ITPKA: variants seen among roughly 807,000 people sequenced by gnomAD.
ITPKA encodes IP3 3-kinase A.
ITPKA carries 16 observed loss-of-function variants against 40.7 expected under a neutral mutation model. That is an observed-to-expected ratio of 0.39 (90% CI 0.27 to 0.60). ITPKA has a LOEUF of 0.60. ITPKA is among the 20% of genes least tolerant of loss of function. ITPKA has a pLI of 0.50. For missense variants in ITPKA, 540 were observed against 649.3 expected, an observed-to-expected ratio of 0.83 and a Z score of 1.83; for synonymous variants, 313 against 289.9, an observed-to-expected ratio of 1.08 and a Z score of -0.81.
At chr15:41,497,548 G>A (rs1196241494) in intron 1 of ITPKA, among the ~76,000 whole-genome samples, 1 of 152,172 alleles carries the variant, frequency 6.6e-6, no homozygotes, top group South Asian at 2.1e-4. Context: ...TTTTAAAAGC[G>A]TGATGTTCTC....
In ITPKA at chr15:41,502,155, GCAT is replaced by G; in HGVS notation, c.965_967del (p.Ile322del). On this transcript the variant is annotated inframe_deletion, in exon 4 of 7. Coordinates refer to ENST00000260386, the MANE Select transcript of ITPKA (RefSeq NM_002220.3). ...CCGCGCTACATGCAGTGGCGGGAAG[GCAT>G]CAGCTCCAGCACCACCCTCGGCTTC... is the stretch of plus-strand genomic sequence containing the variant. The G allele has an allele frequency of 6.2e-7, 1 of 1,601,506 alleles. No individual in the cohort carries two copies. Among genetic ancestry groups the G allele is most frequent in the Non-Finnish European group, 8.5e-7 (1 of 1,174,686 alleles).
At chr15:41,498,307 A>T in intron 1 of ITPKA, among the ~76,000 whole-genome samples, 1 of 82,518 alleles carries the variant, frequency 1.2e-5, no homozygotes, top group South Asian at 3.3e-4. Flanking sequence ...ACCTTGTCTC[A>T]AAAAAAAAAA....
Position 41,494,380 on chromosome 15 carries a change from C to T in ITPKA, c.453C>T (p.Gly151=). The T allele has an allele frequency of 6.7e-7, 1 of 1,495,694 alleles. No homozygotes were observed. The highest frequency in any genetic ancestry group is 8.9e-7 in the Non-Finnish European group (1 of 1,126,272). 92.7% of individuals were successfully genotyped at this position (1,495,694 alleles called of 1,614,324 possible). The part of the protein sequence containing the change: ...LLSDSESRSR[G]NVQLEAGEDV... ...GCGACAGTGAGAGCCGGAGCCGCGGCAACGTGCAGCTGGAAGCGGGCGAGG... is the reference window on the plus strand; with the variant it reads ...GCGACAGTGAGAGCCGGAGCCGCGGTAACGTGCAGCTGGAAGCGGGCGAGG... The change falls in exon 1 of 7, where the codon GGC becomes GGT. Residue 151 remains glycine (G), a synonymous_variant. Coordinates refer to ENST00000260386, the MANE Select transcript of ITPKA (RefSeq NM_002220.3). This position sits in a 1 kb window ranked among gnomAD's most constrained non-coding sequence, Gnocchi z 7.8.
At chr15:41,501,596 G>A (rs1215313476) in intron 2 of ITPKA, 37 bp downstream of exon 2, 1 of 1,578,236 alleles carries the variant, frequency 6.3e-7, no homozygotes, top group African/African-American at 1.3e-5. Flanking sequence ...GCCCGCGACG[G>A]GAAGGGGCTG....
At chr15:41,498,388 GATGCAGAAA>G (rs1239943564) in intron 1 of ITPKA, among the ~76,000 whole-genome samples, 1 of 151,730 alleles carries the variant, frequency 6.6e-6, no homozygotes, top group Non-Finnish European at 1.5e-5. Flanking sequence ...ATTCTTATGA[GATGCAGAAA>G]ACCAAGGTCA....
rs1271351127 is a variant in ITPKA, at chr15:41,494,968, T to C, written c.489+552T>C. On this transcript the variant is annotated intron_variant, in intron 1 of 6. Coordinates refer to ENST00000260386, the MANE Select transcript of ITPKA (RefSeq NM_002220.3). This position sits in a 1 kb window ranked among gnomAD's most constrained non-coding sequence, Gnocchi z 7.8. ...CGCAGGGGAGGGAGGGGCGTGGGCC[T>C]GGGAGCTCTGGCTGGGAGCGGAACG... is the stretch of plus-strand genomic sequence containing the variant. 6.6e-6 allele frequency among the ~76,000 whole-genome samples: 1 copy of C among 152,164 alleles called. No homozygotes were observed. Among genetic ancestry groups the C allele is most frequent in the African/African-American group, 2.4e-5 (1 of 41,444 alleles).
chr15:41,500,922 C>A (rs554638659), intron 1 of ITPKA, among the ~76,000 whole-genome samples: 35 of 147,276 alleles, frequency 2.4e-4, no homozygotes, highest in African/African-American at 7.5e-4. Context: ...AACAAGAGAA[C>A]CGCCTGAACC....
chr15:41,502,871 C>CTGCCCGGG lies in ITPKA; in HGVS notation c.1182+21_1182+28dup, dbSNP rs765078401. On this transcript the variant is annotated intron_variant, in intron 6 of 6. Coordinates refer to ENST00000260386, the MANE Select transcript of ITPKA (RefSeq NM_002220.3). ...TCAGGAGGCACGAGGTAAGCGGCGG[C>CTGCCCGGG]TGCCCGGGTGCCCGGGCCGCGAGGG... The CTGCCCGGG allele has an allele frequency of 6.2e-7, 1 of 1,611,274 alleles. No individual in the cohort carries two copies. Among genetic ancestry groups the CTGCCCGGG allele is most frequent in the East Asian group, 2.2e-5 (1 of 44,806 alleles).
chr15:41,502,895 G>C (rs1426130431), intron 6 of ITPKA, 36 bp downstream of exon 6: 1 of 1,607,740 alleles, frequency 6.2e-7, no homozygotes, highest in African/African-American at 1.3e-5. Context: ...GGGCCGCGAG[G>C]GCTAGGGCGG....
At position 41,493,973 on chromosome 15, in the gene ITPKA, G is replaced by A. The variant is rs1463426637; in HGVS notation, c.46G>A (p.Ala16Thr). ...AACGGGCATGGCGCGGCCGGGGGGC[G>A]CGAGGCCCTGCAGCCCGGGGCTGGA... Reference protein sequence around the residue: ...GPTGMARPGGARPCSPGLERA... With the variant: ...GPTGMARPGGTRPCSPGLERA... The change falls in exon 1 of 7, where the codon GCG becomes ACG. Residue 16 changes from alanine (A) to threonine (T), a missense_variant. Transcript: ENST00000260386. 1.4e-5 allele frequency: 15 copies of A among 1,076,542 alleles called. No individual in the cohort carries two copies. Among genetic ancestry groups the A allele is most frequent in the Non-Finnish European group, 1.7e-5 (15 of 889,584 alleles). 66.7% of individuals were successfully genotyped at this position (1,076,542 alleles called of 1,614,324 possible).
intron 1 of ITPKA, among the ~76,000 whole-genome samples, chr15:41,497,643 C>A (rs2051083316): frequency 6.6e-6 from 1 of 152,184 alleles, no homozygotes; most frequent in Non-Finnish European, 1.5e-5. Context: ...CTTGGCCATA[C>A]CCATTACTGG....
At chr15:41,501,307 A>G in intron 1 of ITPKA, 156 bp from the exon 2 acceptor site, 3 of 1,452,732 alleles carry the variant, frequency 2.1e-6, no homozygotes, top group South Asian at 1.5e-5. Flanking sequence ...CAGGCGCACA[A>G]ATAAACCTTC....
At chr15:41,495,956 C>T in intron 1 of ITPKA, among the ~76,000 whole-genome samples, 1 of 152,200 alleles carries the variant, frequency 6.6e-6, no homozygotes, top group Non-Finnish European at 1.5e-5. Flanking sequence ...AAGGTCAAGC[C>T]TCGGGGACCT....
chr15:41,501,432 G>A, intron 1 of ITPKA, 31 bp from the exon 2 acceptor site: 1 of 1,585,922 alleles, frequency 6.3e-7, no homozygotes, highest in Non-Finnish European at 8.6e-7. Flanking sequence ...CCGAGACGCC[G>A]ATTATCAGAC....
chr15:41,502,708 G>A, intron 5 of ITPKA, 80 bp from the exon 6 acceptor site: 1 of 1,333,154 alleles, frequency 7.5e-7, no homozygotes, highest in Non-Finnish European at 1.0e-6. Flanking sequence ...GCACAGCGTG[G>A]GTCCCGGCTC....
chr15:41,500,963 C>G (rs940952297), intron 1 of ITPKA, among the ~76,000 whole-genome samples: 1 of 135,058 alleles, frequency 7.4e-6, no homozygotes, highest in African/African-American at 2.8e-5. Context: ...GAGGCCAGAT[C>G]GCGCCACTGC....
Position 41,501,816 on chromosome 15 carries a change from C to T in ITPKA, c.768C>T (p.Asp256=), listed in dbSNP as rs146892879. The T allele has an allele frequency of 1.9e-6, 3 of 1,613,412 alleles. No individual in the cohort carries two copies. Among genetic ancestry groups the T allele is most frequent in the Non-Finnish European group, 2.5e-6 (3 of 1,179,884 alleles). ...TGCAGGACCTGCTCGATGGCTTCGA[C>T]GGACCTTGTGTGCTCGACTGCAAAA... ...LQLQDLLDGF[D]GPCVLDCKMG... The change falls in exon 3 of 7, where the codon GAC becomes GAT. Residue 256 remains aspartate, a synonymous_variant. Transcript: ENST00000260386.
chr15:41,494,208 C>A lies in ITPKA; in HGVS notation c.281C>A (p.Thr94Asn). 1 of 1,527,878 alleles carries A rather than the reference C, an allele frequency of 6.5e-7. No homozygotes were observed. The highest frequency in any genetic ancestry group is 2.5e-5 in the East Asian group (1 of 39,792). 94.6% of individuals were successfully genotyped at this position (1,527,878 alleles called of 1,614,324 possible). The change falls in exon 1 of 7, where the codon ACC becomes AAC. Residue 94 changes from threonine (T) to asparagine (N), a missense_variant. Thr to Asn is a moderately conservative substitution (Grantham distance 65, BLOSUM62 0). Transcript: ENST00000260386. This position sits in a 1 kb window ranked among gnomAD's most constrained non-coding sequence, Gnocchi z 7.8. The stretch of plus-strand genomic sequence containing the variant: ...GCCGAGGAGCCCGACGTGCCCCCGA[C>A]CAGCCCTGGGCCGCCGGAGCGGGAG... ...VTAEEPDVPP[T>N]SPGPPERERD...
chr15:41,498,916 T>G (rs979624401), intron 1 of ITPKA, among the ~76,000 whole-genome samples: 2 of 152,318 alleles, frequency 1.3e-5, no homozygotes, highest in Non-Finnish European at 2.9e-5. Context: ...GATGGGCTGA[T>G]AGCTTCAGCC....
Sources: allele counts gnomAD v4.1 joint callset (sites outside exome capture counted in the v4.1 genomes callset), GRCh38; gene constraint gnomAD v4.1.1; non-coding constraint Gnocchi (gnomAD v3.1); transcripts MANE v1.5; gene names NCBI Gene and HGNC (gene_info 2026-07-23, HGNC 2026-07-21).